The following RIMS2 variants were observed in gnomAD, a reference collection of about 807,000 sequenced individuals.
The protein encoded by RIMS2 is regulating synaptic membrane exocytosis protein 2.
RIMS2 carries 59 observed loss-of-function variants against 174.4 expected under a neutral mutation model. The ratio of observed to expected loss-of-function variants is 0.34; its 90% CI spans 0.27 to 0.42. The LOEUF is 0.42. Ranked by LOEUF, RIMS2 falls within the 10% of genes least tolerant of loss-of-function variation. The pLI is 1.00. For missense variants in RIMS2, 1,620 were observed against 1,666.3 expected, an observed-to-expected ratio of 0.97 and a Z score of 0.48; for synonymous variants, 606 against 572.5, an observed-to-expected ratio of 1.06 and a Z score of -0.84.
chr8:103,935,057 C>T (rs895715229), intron 12 of RIMS2, among the ~76,000 whole-genome samples: 2 of 152,102 alleles, frequency 1.3e-5, no homozygotes, highest in Non-Finnish European at 2.9e-5. Context: ...TCCTGGCCTT[C>T]GTGGAAGGAA....
intron 1 of RIMS2, among the ~76,000 whole-genome samples, chr8:103,672,682 G>A (rs1389094933): frequency 6.6e-6 from 1 of 151,950 alleles, no homozygotes; most frequent in Non-Finnish European, 1.5e-5. Context: ...CTTTATACTA[G>A]GCCTCACCTC....
intron 17 of RIMS2, among the ~76,000 whole-genome samples, chr8:104,003,177 T>G (rs1221287422): frequency 1.3e-5 from 2 of 152,154 alleles, no homozygotes; most frequent in Non-Finnish European, 2.9e-5. Flanking sequence ...GGCAGCTAGA[T>G]TTTTATGTAA....
rs200182104 is a variant in RIMS2 at position 104,099,721 on chromosome 8, TAA to T, written c.3334+85107_3334+85108del. Among the ~76,000 whole-genome samples the T allele has an allele frequency of 2.6e-5, 4 of 152,312 alleles. No individual in the cohort carries two copies. The East Asian group carries it at 7.7e-4, about 29-fold the overall frequency. On this transcript the variant is annotated intron_variant, in intron 19 of 23. Transcript: ENST00000504942. ...AGGATTGTTGCCATTTTAAGAATAT[TAA>T]GTCTTCTAATCCATGAGCACAAAAT...
intron 19 of RIMS2, among the ~76,000 whole-genome samples, chr8:104,042,151 A>G (rs1006735304): frequency 3.3e-5 from 5 of 151,622 alleles, no homozygotes; most frequent in Admixed American, 2.0e-4. Context: ...AAAAGGTGGT[A>G]TGATTCCTTT....
At chr8:103,557,377 G>C (rs2090681674) in intron 1 of RIMS2, among the ~76,000 whole-genome samples, 2 of 152,024 alleles carry the variant, frequency 1.3e-5, no homozygotes, top group Non-Finnish European at 2.9e-5. Flanking sequence ...CTGTCTTTCT[G>C]GGCCTTCTTG....
chr8:103,949,404 C>G (rs1478331336), intron 14 of RIMS2, among the ~76,000 whole-genome samples: 2 of 152,086 alleles, frequency 1.3e-5, no homozygotes, highest in African/African-American at 4.8e-5. Flanking sequence ...CCTGCCCAAA[C>G]AAGTATCGAT....
At chr8:103,743,711 A>G (rs2097781902) in intron 2 of RIMS2, among the ~76,000 whole-genome samples, 1 of 152,182 alleles carries the variant, frequency 6.6e-6, no homozygotes, top group Admixed American at 6.5e-5. Flanking sequence ...GAATGAATCT[A>G]AAGCTTCCCC....
At chr8:104,124,321 G>T (rs10505055) in intron 19 of RIMS2, among the ~76,000 whole-genome samples, 23,662 of 151,878 alleles carry the variant, frequency 0.16, 2,441 homozygotes, top group Non-Finnish European at 0.23. Context: ...CTTGCCAGTG[G>T]ACTTAGAAAT....
At chr8:104,185,234 T>C (rs2098961923) in intron 19 of RIMS2, among the ~76,000 whole-genome samples, 1 of 151,600 alleles carries the variant, frequency 6.6e-6, no homozygotes, top group African/African-American at 2.4e-5. Flanking sequence ...TTGCATTTCA[T>C]AGTAAACAAA....
At chr8:103,893,721 C>A (rs2099261032) in intron 4 of RIMS2, among the ~76,000 whole-genome samples, 1 of 152,012 alleles carries the variant, frequency 6.6e-6, no homozygotes, top group South Asian at 2.1e-4. Flanking sequence ...CACAGCCAAC[C>A]CAGTCATTTA....
intron 19 of RIMS2, among the ~76,000 whole-genome samples, chr8:104,184,840 A>G (rs537363986): frequency 6.6e-6 from 1 of 151,668 alleles, no homozygotes; most frequent in Non-Finnish European, 1.5e-5. Context: ...CCTCCTTTAA[A>G]AAGTACTGTG....
At chr8:103,579,654 A>T (rs963108626) in intron 1 of RIMS2, among the ~76,000 whole-genome samples, 1 of 152,208 alleles carries the variant, frequency 6.6e-6, no homozygotes, top group Non-Finnish European at 1.5e-5. Flanking sequence ...TTAACCTATA[A>T]GATGTTTTTT....
intron 19 of RIMS2, among the ~76,000 whole-genome samples, chr8:104,100,079 C>A (rs184780302): frequency 4.6e-5 from 7 of 152,200 alleles, no homozygotes; most frequent in Admixed American, 2.6e-4. Flanking sequence ...ACTCAGCCTC[C>A]CAAAGGGCTG....
At chr8:104,240,784 GT>G (rs1161443770) in intron 19 of RIMS2, among the ~76,000 whole-genome samples, 1 of 152,110 alleles carries the variant, frequency 6.6e-6, no homozygotes, top group Non-Finnish European at 1.5e-5. Context: ...CAAGTTAGTG[GT>G]AGAGTCAGAC....
intron 1 of RIMS2, among the ~76,000 whole-genome samples, chr8:103,672,546 G>A (rs1040496123): frequency 6.6e-6 from 1 of 151,818 alleles, no homozygotes; most frequent in Non-Finnish European, 1.5e-5. Context: ...GGCTAGAACA[G>A]GAAGAAGAGA....
At chr8:104,042,308 C>T (rs954385616) in intron 19 of RIMS2, among the ~76,000 whole-genome samples, 7 of 151,334 alleles carry the variant, frequency 4.6e-5, no homozygotes, top group East Asian at 3.9e-4. Flanking sequence ...ACAAGTTTGG[C>T]GAAAGTAGGC....
At chr8:103,726,764 G>A (rs909590457) in intron 2 of RIMS2, among the ~76,000 whole-genome samples, 1 of 146,964 alleles carries the variant, frequency 6.8e-6, no homozygotes, top group Non-Finnish European at 1.5e-5. Flanking sequence ...ACAGAGTCTC[G>A]CTTTGTAGCT....
intron 1 of RIMS2, among the ~76,000 whole-genome samples, chr8:103,600,908 T>C (rs1410423119): frequency 5.9e-5 from 9 of 152,200 alleles, no homozygotes; most frequent in African/African-American, 2.2e-4. Flanking sequence ...TGGTGAGAGA[T>C]CCCATTGTAG....
Position 103,537,612 on chromosome 8 carries a change from T to C in RIMS2, c.176+36550T>C, listed in dbSNP as rs563719534. Among the ~76,000 whole-genome samples, 5 of 152,262 alleles carry C rather than the reference T, an allele frequency of 3.3e-5. No individual in the cohort carries two copies. In the South Asian group the frequency reaches 8.3e-4, roughly 25 times the overall value. ...GCCTCCTTATATAAAATGAGGATAA[T>C]AGTACTTCCTTCATAGGGTAGTACT... On this transcript the variant is annotated intron_variant, in intron 1 of 23. Coordinates refer to ENST00000504942, the Ensembl canonical transcript of RIMS2.
Sources: allele counts gnomAD v4.1 joint callset (sites outside exome capture counted in the v4.1 genomes callset), GRCh38; gene constraint gnomAD v4.1.1; transcripts MANE v1.5; gene names NCBI Gene and HGNC (gene_info 2026-07-23, HGNC 2026-07-21).